ELMO1: variants seen among roughly 807,000 people sequenced by gnomAD.
The protein encoded by ELMO1 is engulfment and cell motility protein 1.
In ELMO1, 26 loss-of-function variants were observed where a neutral mutation model predicts 98.9. That is an observed-to-expected ratio of 0.26 (90% CI 0.19 to 0.36). ELMO1 has a LOEUF of 0.36. Ranked by LOEUF, ELMO1 falls within the 10% of genes least tolerant of loss-of-function variation. ELMO1 has a pLI of 1.00. For synonymous variants in ELMO1, 346 were observed against 346.0 expected (o/e 1.00, Z 0.00); for missense variants, 627 against 935.2 (o/e 0.67, Z 4.30).
chr7:37,258,991 G>A (rs1795839601), intron 6 of ELMO1, among the ~76,000 whole-genome samples, 190 bp downstream of exon 6: 2 of 151,652 alleles, frequency 1.3e-5, no homozygotes, highest in South Asian at 4.2e-4. Flanking sequence ...AGATGGTGGT[G>A]GGCAAAGGAT....
chr7:36,949,509 T>G (rs1787792605), intron 16 of ELMO1, among the ~76,000 whole-genome samples: 2 of 152,066 alleles, frequency 1.3e-5, no homozygotes, highest in Admixed American at 6.5e-5. Flanking sequence ...TCTCTTGCTC[T>G]GTCCTCTTCA....
In ELMO1 at chr7:37,445,087, T is replaced by C. The variant is rs1313019603; in HGVS notation, c.-74+3588A>G. ...ACATTAAGACTGGGTGTCTGTTTTA[T>C]GAAATGCTGTTTTCCACACCACTCT... is the stretch of plus-strand genomic sequence containing the variant. On this transcript the variant is annotated intron_variant, in intron 1 of 21. Coordinates refer to ENST00000310758, the MANE Select transcript of ELMO1 (RefSeq NM_014800.11). Among the ~76,000 whole-genome samples, 4 of 152,336 alleles carry C rather than the reference T, an allele frequency of 2.6e-5. No individual in the cohort carries two copies. The East Asian group carries it at 7.7e-4, about 29-fold the overall frequency.
At position 37,429,002 on chromosome 7, in the gene ELMO1, TG is replaced by T. The variant is rs574360912; in HGVS notation, c.-74+19672del. Among the ~76,000 whole-genome samples, 37 of 148,432 alleles carry T rather than the reference TG, an allele frequency of 2.5e-4. 1 individual carries two copies. In the Admixed American group the frequency reaches 2.5e-3, roughly 10 times the overall value. ...ACTCTATTTCATCCAGAGGAGGATG[TG>T]GGCACACGTACTGCAGGTTGTTGTT... On this transcript the variant is annotated intron_variant, in intron 1 of 21. Transcript: ENST00000310758.
chr7:36,897,398 G>A (rs1284894429), intron 16 of ELMO1, among the ~76,000 whole-genome samples: 1 of 140,716 alleles, frequency 7.1e-6, no homozygotes, highest in Non-Finnish European at 1.5e-5. Context: ...GGTGACTCAA[G>A]CCCTGCATTT....
At chr7:36,999,563 A>C (rs2129160259) in intron 16 of ELMO1, among the ~76,000 whole-genome samples, 1 of 152,338 alleles carries the variant, frequency 6.6e-6, no homozygotes, top group East Asian at 1.9e-4. Flanking sequence ...TATTATGGTG[A>C]GTTAAATGAT....
intron 15 of ELMO1, among the ~76,000 whole-genome samples, chr7:37,028,489 ATTGTT>A (rs2129184061): frequency 6.6e-6 from 1 of 152,276 alleles, no homozygotes; most frequent in African/African-American, 2.4e-5. Context: ...TAGAAATTTT[ATTGTT>A]TTAATATTAC....
chr7:37,108,920 C>G (rs1288704807), intron 14 of ELMO1, among the ~76,000 whole-genome samples: 1 of 152,200 alleles, frequency 6.6e-6, no homozygotes, highest in Non-Finnish European at 1.5e-5. Context: ...TAACTTATTA[C>G]AACTATATGT....
At chr7:36,919,625 G>A (rs1001692171) in intron 16 of ELMO1, among the ~76,000 whole-genome samples, 1 of 152,134 alleles carries the variant, frequency 6.6e-6, no homozygotes, top group Non-Finnish European at 1.5e-5. Context: ...GTGGAAGGGA[G>A]GCTGCTGCCA....
chr7:37,420,767 G>A (rs1485271782), intron 1 of ELMO1, among the ~76,000 whole-genome samples: 1 of 152,192 alleles, frequency 6.6e-6, no homozygotes, highest in Non-Finnish European at 1.5e-5. Context: ...CTGATATTTT[G>A]GGGTCATTTA....
At chr7:37,053,284 A>AC (rs1796211861) in intron 15 of ELMO1, among the ~76,000 whole-genome samples, 2 of 129,538 alleles carry the variant, frequency 1.5e-5, no homozygotes, top group South Asian at 2.8e-4. Context: ...TCATTTGTTA[A>AC]AACACACACA....
chr7:36,898,099 AAG>A (rs1176954911), intron 16 of ELMO1, among the ~76,000 whole-genome samples: 4 of 152,048 alleles, frequency 2.6e-5, no homozygotes, highest in African/African-American at 9.7e-5. Context: ...AAGAAGACAA[AAG>A]AGTTACATAA....
intron 16 of ELMO1, among the ~76,000 whole-genome samples, chr7:36,923,511 A>G (rs1357594829): frequency 1.3e-5 from 2 of 152,176 alleles, no homozygotes; most frequent in East Asian, 3.9e-4. Flanking sequence ...TGGGCTTAAG[A>G]TTATCTAGGC....
chr7:37,048,092 A>G lies in ELMO1; in HGVS notation c.1301-34657T>C, dbSNP rs116474174. On this transcript the variant is annotated intron_variant, in intron 15 of 21. Coordinates refer to ENST00000310758, the MANE Select transcript of ELMO1 (RefSeq NM_014800.11). Reference sequence around the variant, plus strand: ...TATTGATTTAAGCTAGGGTTTCTCAACATCAGTACTATTAGTGTCTGGAGC... The same window carrying G: ...TATTGATTTAAGCTAGGGTTTCTCAGCATCAGTACTATTAGTGTCTGGAGC... Among the ~76,000 whole-genome samples, 743 of 152,314 alleles carry G rather than the reference A, an allele frequency of 4.9e-3. 9 individuals carry two copies. Among genetic ancestry groups the G allele is most frequent in the African/African-American group, 0.017 (705 of 41,562 alleles).
intron 1 of ELMO1, among the ~76,000 whole-genome samples, chr7:37,346,197 G>T (rs566593930): frequency 3.3e-5 from 5 of 152,096 alleles, no homozygotes; most frequent in African/African-American, 4.8e-5. Context: ...TGACCCCCTG[G>T]ACACTTCCAC....
At chr7:37,308,603 T>C (rs1466404756) in intron 4 of ELMO1, among the ~76,000 whole-genome samples, 1 of 152,220 alleles carries the variant, frequency 6.6e-6, no homozygotes. Flanking sequence ...TAAAGATTTA[T>C]TTTGTCTGTG....
intron 14 of ELMO1, among the ~76,000 whole-genome samples, chr7:37,130,429 C>G (rs769024430): frequency 7.9e-5 from 12 of 152,090 alleles, no homozygotes; most frequent in Non-Finnish European, 1.3e-4. Context: ...AGAAACCTGC[C>G]AGAGAGACTA....
intron 16 of ELMO1, among the ~76,000 whole-genome samples, chr7:36,935,718 A>G (rs979511372): frequency 1.3e-5 from 2 of 152,132 alleles, no homozygotes; most frequent in African/African-American, 4.8e-5. Context: ...TGCACAGCTG[A>G]GGGTTTTGAA....
intron 13 of ELMO1, among the ~76,000 whole-genome samples, chr7:37,200,737 G>A (rs561178887): frequency 3.9e-5 from 6 of 152,078 alleles, no homozygotes; most frequent in African/African-American, 4.8e-5. Flanking sequence ...AGGCCAAGGC[G>A]GGTGGGTCGC....
At chr7:37,410,733 C>T (rs892133389) in intron 1 of ELMO1, among the ~76,000 whole-genome samples, 5 of 152,168 alleles carry the variant, frequency 3.3e-5, no homozygotes, top group African/African-American at 4.8e-5. Flanking sequence ...TGCTGGCCTA[C>T]CCCTAAAGGA....
Sources: gnomAD v4.1 joint callset for allele counts (sites outside exome capture counted in the v4.1 genomes callset) on GRCh38, gnomAD v4.1.1 for gene constraint, MANE v1.5 for transcripts, NCBI Gene and HGNC (gene_info 2026-07-23, HGNC 2026-07-21) for gene names.